PREB: variants seen among roughly 807,000 people sequenced by gnomAD.
PREB encodes guanine nucleotide-exchange factor SEC12.
A neutral mutation model predicts 46.7 loss-of-function variants in PREB; 29 were observed. The observed-to-expected ratio is 0.62, with a 90% confidence interval of 0.46 to 0.85. PREB has a LOEUF of 0.85. Among genes scored for constraint, PREB ranks in the 40% least tolerant of loss-of-function variants. The pLI is 0.00. For missense variants in PREB, 494 were observed against 528.4 expected (o/e 0.93, Z 0.64); for synonymous variants, 224 against 220.1 (o/e 1.02, Z -0.16).
rs1397984204 is a variant in PREB at position 27,133,548 on chromosome 2, G to A, written c.309C>T (p.Asn103=). 1 of 1,613,802 alleles carries A rather than the reference G, an allele frequency of 6.2e-7. No homozygotes were observed. Among genetic ancestry groups the A allele is most frequent in the Non-Finnish European group, 8.5e-7 (1 of 1,179,774 alleles). Reference sequence around the variant, plus strand: ...GCTCCTCACCGGCCTTCTCTGCCTTGTTGCCCTGCTGTTGATGTGCCTGGA... The same window carrying A: ...GCTCCTCACCGGCCTTCTCTGCCTTATTGCCCTGCTGTTGATGTGCCTGGA... ...LRFQAHQQQG[N]KAEKAGSKEQ... The change falls in exon 2 of 9, where the codon AAC becomes AAT. Residue 103 remains asparagine (N), a synonymous_variant. Coordinates refer to ENST00000260643, the MANE Select transcript of PREB (RefSeq NM_013388.6).
In PREB at chr2:27,133,730, G is replaced by C. The variant is rs749292819; in HGVS notation, c.136-9C>G. On this transcript the variant is annotated splice_polypyrimidine_tract_variant and intron_variant, in intron 1 of 8. Transcript: ENST00000260643. ...TCTAGCTGCAGAAAGTGCTGTGGGA[G>C]GGGGAACCCGGATGAGCAAGTTCAG... 1.1e-5 allele frequency: 18 copies of C among 1,613,004 alleles called. No individual in the cohort carries two copies. The highest frequency in any genetic ancestry group is 3.3e-5 in the Admixed American group (2 of 59,950).
Position 27,134,423 on chromosome 2 carries a change from C to A in PREB, c.-2G>T, listed in dbSNP as rs953338835. On this transcript the variant is annotated 5_prime_UTR_variant, in exon 1 of 9. Coordinates refer to ENST00000260643, the MANE Select transcript of PREB (RefSeq NM_013388.6). ...CTCTGGCGCCCGGCGCCGGCCCATC[C>A]CGCCCGGCGCGCGTTCACTGCCCGC... 5.1e-6 allele frequency: 8 copies of A among 1,563,034 alleles called. No homozygotes were observed. The highest frequency in any genetic ancestry group is 6.9e-6 in the Non-Finnish European group (8 of 1,160,784).
At position 27,132,778 on chromosome 2, in the gene PREB, TG is replaced by T; in HGVS notation, c.628-52del. ...ATGGACAGTTAGGGGATCCACTTAC[TG>T]GGCAAGCAGCATAAGCACCTCCTCT... On this transcript the variant is annotated intron_variant, in intron 4 of 8. Coordinates refer to ENST00000260643, the MANE Select transcript of PREB (RefSeq NM_013388.6). This position sits in a 1 kb window ranked among gnomAD's most constrained non-coding sequence, Gnocchi z 4.0. The T allele has an allele frequency of 1.2e-6, 2 of 1,613,586 alleles. No individual in the cohort carries two copies. Among genetic ancestry groups the T allele is most frequent in the Non-Finnish European group, 8.5e-7 (1 of 1,179,546 alleles).
At chr2:27,133,862 C>A in intron 1 of PREB, 141 bp from the exon 2 acceptor site, 1 of 788,700 alleles carries the variant, frequency 1.3e-6, no homozygotes, top group Non-Finnish European at 2.0e-6. Flanking sequence ...CTCATTTGGG[C>A]CTCACAAATC....
chr2:27,130,844 G>T lies in PREB; in HGVS notation c.*570C>A, dbSNP rs1672221072. On this transcript the variant is annotated 3_prime_UTR_variant, in exon 9 of 9. Transcript: ENST00000260643. ...GAGGTTCATTTTCCCATTCCTCAAG[G>T]TAAGGGTAGACTACCTAGGAACTTA... 1.0e-5 allele frequency: 14 copies of T among 1,377,526 alleles called. No homozygotes were observed. Among genetic ancestry groups the T allele is most frequent in the South Asian group, 2.6e-5 (2 of 78,010 alleles). 85.3% of individuals were successfully genotyped at this position (1,377,526 alleles called of 1,614,324 possible). A position where few individuals can be genotyped will look rare whatever the true frequency, so the allele number is the denominator to read the frequency against.
In PREB at chr2:27,132,729, T is replaced by C; in HGVS notation, c.628-2A>G. 9 of 1,614,108 alleles carry C rather than the reference T, an allele frequency of 5.6e-6. No individual in the cohort carries two copies. The highest frequency in any genetic ancestry group is 1.1e-5 in the South Asian group (1 of 91,078). On this transcript the variant is annotated splice_acceptor_variant, in intron 4 of 8. Transcript: ENST00000260643. LOFTEE classifies it high-confidence loss of function. This position sits in a 1 kb window ranked among gnomAD's most constrained non-coding sequence, Gnocchi z 4.0. ...AAGGTCCCGGCCCACGGTTACCAAC[T>C]AGTTAGGAATAAAGATTCCAAGGAT...
rs980143624 is a variant in PREB, at chr2:27,134,585, G to A, written c.-164C>T. 2.2e-6 allele frequency: 3 copies of A among 1,343,560 alleles called. No individual in the cohort carries two copies. Among genetic ancestry groups the A allele is most frequent in the African/African-American group, 3.1e-5 (2 of 64,552 alleles). The allele number at this position is 1,343,560 out of a possible 1,614,324, so 83.2% of individuals were successfully genotyped here. A position where few individuals can be genotyped will look rare whatever the true frequency, so the allele number is the denominator to read the frequency against. On this transcript the variant is annotated 5_prime_UTR_variant, in exon 1 of 9. Transcript: ENST00000260643. ...TTGCCAAAACCCTGACCATCAGCAG[G>A]AAGCCGAGCCTCAGCTCGGCTCCGT...
Position 27,134,302 on chromosome 2 carries a change from G to T in PREB, c.120C>A (p.Gly40=). 1 of 1,609,042 alleles carries T rather than the reference G, an allele frequency of 6.2e-7. No homozygotes were observed. The highest frequency in any genetic ancestry group is 8.5e-7 in the Non-Finnish European group (1 of 1,178,542). Residue 40 remains glycine, a synonymous_variant, in exon 1 of 9, where the codon GGC becomes GGA. Transcript: ENST00000260643. ...AAGGGGAAKT[G]IKNGVHFLQL... Reference sequence around the variant, plus strand: ...GCGCTCTCACCACGCCATTCTTTATGCCTGTCTTGGCGGCGCCTCCTCCGC... The same window carrying T: ...GCGCTCTCACCACGCCATTCTTTATTCCTGTCTTGGCGGCGCCTCCTCCGC...
Position 27,132,581 on chromosome 2 carries a change from C to T in PREB, c.752+22G>A, listed in dbSNP as rs370918980. ...CACAGCTGGGCTATGCCTCTTTCAG[C>T]CACCACCCAAAGTCTTCACACCTGC... On this transcript the variant is annotated intron_variant, in intron 5 of 8. Transcript: ENST00000260643. The surrounding 1 kb of genome is among the most constrained non-coding windows in gnomAD (Gnocchi z 4.0). 6.6e-5 allele frequency: 107 copies of T among 1,613,282 alleles called. No individual in the cohort carries two copies. The highest frequency in any genetic ancestry group is 8.1e-5 in the Non-Finnish European group (95 of 1,179,908).
chr2:27,134,173 C>G (rs543376742), intron 1 of PREB, 114 bp downstream of exon 1: 2 of 1,332,788 alleles, frequency 1.5e-6, no homozygotes, highest in South Asian at 3.1e-5. Context: ...GTCTTCCCAA[C>G]AGAAGTGGGC....
In PREB at chr2:27,134,217, A is replaced by AC. The variant is rs1672404270; in HGVS notation, c.135+69dup. On this transcript the variant is annotated intron_variant, in intron 1 of 8. Transcript: ENST00000260643. ...AAGCTGGAGTGTGGCCCGCCCCGCG[A>AC]CCCCCCGGCCACCCTGGAATCGCCG... 6 of 1,446,730 alleles carry AC rather than the reference A, an allele frequency of 4.1e-6. No individual in the cohort carries two copies. In the East Asian group the frequency reaches 8.0e-5, roughly 19 times the overall value. The allele number at this position is 1,446,730 out of a possible 1,614,324, so 89.6% of individuals were successfully genotyped here.
rs953347408 is a variant in PREB at position 27,132,589 on chromosome 2, C to G, written c.752+14G>C. ...GGCTATGCCTCTTTCAGCCACCACC[C>G]AAAGTCTTCACACCTGCAGGCCTGG... On this transcript the variant is annotated intron_variant, in intron 5 of 8. Transcript: ENST00000260643. This position sits in a 1 kb window ranked among gnomAD's most constrained non-coding sequence, Gnocchi z 4.0. The G allele has an allele frequency of 6.2e-7, 1 of 1,613,888 alleles. No individual in the cohort carries two copies. The highest frequency in any genetic ancestry group is 8.5e-7 in the Non-Finnish European group (1 of 1,180,024).
At position 27,134,499 on chromosome 2, in the gene PREB, G is replaced by A; in HGVS notation, c.-78C>T. On this transcript the variant is annotated 5_prime_UTR_variant, in exon 1 of 9. Transcript: ENST00000260643. ...CCGGGCCTTCGACTACTGCCCCGGC[G>A]GCTGGTGAACTCGGCCCCGTCGCCG... 1 of 1,397,560 alleles carries A rather than the reference G, an allele frequency of 7.2e-7. No homozygotes were observed. The highest frequency in any genetic ancestry group is 1.6e-5 in the South Asian group (1 of 62,474). The allele number at this position is 1,397,560 out of a possible 1,614,324, so 86.6% of individuals were successfully genotyped here.
Position 27,134,516 on chromosome 2 carries a change from C to G in PREB, c.-95G>C. On this transcript the variant is annotated 5_prime_UTR_variant, in exon 1 of 9. Coordinates refer to ENST00000260643, the MANE Select transcript of PREB (RefSeq NM_013388.6). Reference sequence around the variant, plus strand: ...GCCCCGGCGGCTGGTGAACTCGGCCCCGTCGCCGCCGGGAGCACTCCCTAC... The same window carrying G: ...GCCCCGGCGGCTGGTGAACTCGGCCGCGTCGCCGCCGGGAGCACTCCCTAC... The G allele has an allele frequency of 7.2e-7, 1 of 1,388,658 alleles. No homozygotes were observed. Among genetic ancestry groups the G allele is most frequent in the East Asian group, 2.9e-5 (1 of 34,700 alleles). The allele number at this position is 1,388,658 out of a possible 1,614,324, so 86.0% of individuals were successfully genotyped here.
Position 27,134,343 on chromosome 2 carries a change from G to C in PREB, c.79C>G (p.Leu27Val), listed in dbSNP as rs145467029. Residue 27 changes from leucine to valine, a missense_variant, in exon 1 of 9, where the codon CTG (leucine) becomes GTG (valine). Leu to Val is a conservative substitution (Grantham distance 32). Transcript: ENST00000260643. ...CCTCCTCCGCCCGCAGCGATGAGCA[G>C]CCCAGTGCTGGGGTCGACCTGAAGC... ...YALQVDPSTG[L>V]LIAAGGGGAA... is the part of the protein sequence containing the mutation. The C allele has an allele frequency of 8.7e-6, 14 of 1,611,542 alleles. No individual in the cohort carries two copies. In the African/African-American group the frequency reaches 1.7e-4, roughly 20 times the overall value.
In PREB at chr2:27,131,400, A is replaced by G; in HGVS notation, c.*14T>C. ...GGCAGTGTCCAGGCTCCTGATTCCCAGGAAGCAGGGAAGCTAAAGGAAACC... is the reference window on the plus strand; with the variant it reads ...GGCAGTGTCCAGGCTCCTGATTCCCGGGAAGCAGGGAAGCTAAAGGAAACC... On this transcript the variant is annotated 3_prime_UTR_variant, in exon 9 of 9. Transcript: ENST00000260643. 6.5e-7 allele frequency: 1 copy of G among 1,539,094 alleles called. No homozygotes were observed. Among genetic ancestry groups the G allele is most frequent in the Non-Finnish European group, 8.8e-7 (1 of 1,135,048 alleles).
At position 27,134,398 on chromosome 2, in the gene PREB, C is replaced by T; in HGVS notation, c.24G>A (p.Glu8=). 1.3e-6 allele frequency: 2 copies of T among 1,599,050 alleles called. No homozygotes were observed. Among genetic ancestry groups the T allele is most frequent in the East Asian group, 2.3e-5 (1 of 43,514 alleles). Residue 8 remains glutamate, a synonymous_variant, in exon 1 of 9, where the codon GAG becomes GAA. Coordinates refer to ENST00000260643, the MANE Select transcript of PREB (RefSeq NM_013388.6). ...ACAACGGGAACGGAGCCCGGTACAG[C>T]TCTGGCGCCCGGCGCCGGCCCATCC... MGRRRAP[E]LYRAPFPLYA...
rs1672417909 is a variant in PREB at position 27,134,451 on chromosome 2, C to T, written c.-30G>A. On this transcript the variant is annotated 5_prime_UTR_variant, in exon 1 of 9. Transcript: ENST00000260643. ...CCCGGCGCGCGTTCACTGCCCGCAC[C>T]GCGGCACCCAGGACATGCCGCGCCG... 8 of 1,513,368 alleles carry T rather than the reference C, an allele frequency of 5.3e-6. No individual in the cohort carries two copies. The highest frequency in any genetic ancestry group is 7.0e-6 in the Non-Finnish European group (8 of 1,138,538). The allele number at this position is 1,513,368 out of a possible 1,614,324, so 93.7% of individuals were successfully genotyped here. A position where few individuals can be genotyped will look rare whatever the true frequency, so the allele number is the denominator to read the frequency against.
rs1269204314 is a variant in PREB at position 27,132,235 on chromosome 2, A to C, written c.921T>G (p.Asp307Glu). 2 of 1,614,226 alleles carry C rather than the reference A, an allele frequency of 1.2e-6. No individual in the cohort carries two copies. Among genetic ancestry groups the C allele is most frequent in the Non-Finnish European group, 1.7e-6 (2 of 1,180,014 alleles). Residue 307 changes from aspartate (D) to glutamate (E), a missense_variant, in exon 6 of 9, where the codon GAT becomes GAG. Asp to Glu is a conservative substitution (Grantham distance 45). Transcript: ENST00000260643. This position sits in a 1 kb window ranked among gnomAD's most constrained non-coding sequence, Gnocchi z 4.0. ...AAGGCAGCAATGTCTCACACCTGAC[A>C]TCGAGGCAGGAGACGACTTCATGGC... ...SCGHEVVSCL[D>E]VSESGTFLGL...
Sources: gnomAD v4.1 joint callset for allele counts on GRCh38, gnomAD v4.1.1 for gene constraint, Gnocchi (gnomAD v3.1) non-coding constraint, MANE v1.5 for transcripts, NCBI Gene and HGNC (gene_info 2026-07-23, HGNC 2026-07-21) for gene names.